The following ATF6 variants were observed in gnomAD, a reference collection of about 807,000 sequenced individuals.
The protein encoded by ATF6 is activating transcription factor 6.
ATF6 carries 53 observed loss-of-function variants against 83.6 expected under a neutral mutation model. That is an observed-to-expected ratio of 0.63 (90% CI 0.51 to 0.80). The LOEUF is 0.80. ATF6 is among the 30% of genes least tolerant of loss of function. The pLI is 0.00. For missense variants in ATF6, 744 were observed against 797.9 expected (o/e 0.93, Z 0.81); for synonymous variants, 288 against 285.8 (o/e 1.01, Z -0.08).
chr1:161,949,384 A>G (rs1688819228), intron 15 of ATF6, among the ~76,000 whole-genome samples: 1 of 152,160 alleles, frequency 6.6e-6, no homozygotes, highest in Non-Finnish European at 1.5e-5. Context: ...TGAGGCTCAG[A>G]AGTAGATGTG....
chr1:161,944,376 T>C (rs1269843961), intron 15 of ATF6, among the ~76,000 whole-genome samples: 2 of 152,166 alleles, frequency 1.3e-5, no homozygotes, highest in African/African-American at 4.8e-5. Context: ...ATTCTTAATG[T>C]CCACAATGAA....
chr1:161,819,958 T>C (rs1685711281), intron 8 of ATF6, 140 bp downstream of exon 8: 3 of 789,364 alleles, frequency 3.8e-6, no homozygotes, highest in Non-Finnish European at 5.6e-6. Flanking sequence ...TCCTAAAACA[T>C]TTGCAGTAAG....
chr1:161,841,451 G>T (rs1298465586), intron 9 of ATF6, among the ~76,000 whole-genome samples: 1 of 152,052 alleles, frequency 6.6e-6, no homozygotes, highest in Admixed American at 6.6e-5. Flanking sequence ...AAACTACAGG[G>T]AATGTAGGCC....
At position 161,962,467 on chromosome 1, in the gene ATF6, T is replaced by C. The variant is rs542415373; in HGVS notation, c.*3813T>C. Reference sequence around the variant, plus strand: ...CAAGCTCTTTGCCACTTTCCTACTATTTTTTGATTCTTGCCATTTTACCAA... The same window carrying C: ...CAAGCTCTTTGCCACTTTCCTACTACTTTTTGATTCTTGCCATTTTACCAA... On this transcript the variant is annotated 3_prime_UTR_variant, in exon 16 of 16. Transcript: ENST00000367942. 2 of 152,336 alleles carry C rather than the reference T, an allele frequency of 1.3e-5. No homozygotes were observed. The highest frequency in any genetic ancestry group is 4.1e-4 in the South Asian group (2 of 4,824). 9.4% of individuals were successfully genotyped at this position (152,336 alleles called of 1,614,324 possible). A position where few individuals can be genotyped will look rare whatever the true frequency, so the allele number is the denominator to read the frequency against.
chr1:161,862,048 G>T (rs1426065548), intron 13 of ATF6, among the ~76,000 whole-genome samples: 3 of 152,136 alleles, frequency 2.0e-5, no homozygotes, highest in African/African-American at 4.8e-5. Flanking sequence ...CATAAATAAG[G>T]TTATATATTT....
In ATF6 at chr1:161,774,240, A is replaced by G. The variant is rs144561795; in HGVS notation, c.83-4004A>G. Among the ~76,000 whole-genome samples the G allele has an allele frequency of 1.3e-3, 204 of 152,310 alleles. 1 individual carries two copies. The highest frequency in any genetic ancestry group is 4.7e-3 in the African/African-American group (194 of 41,556). ...GCCGCTATGAGAATCCTGATTCCCA[A>G]TAACATCCTTTGTTTTTATAGGCTC... On this transcript the variant is annotated intron_variant, in intron 1 of 15. Transcript: ENST00000367942.
chr1:161,792,118 C>CAG lies in ATF6; in HGVS notation c.485-6_485-5insAG. ...TTGACTTGTGGTTTGTCTGGTTTTTCTCCAGAAAATGGACTGACTCCAAAG... is the reference window on the plus strand; with the variant it reads ...TTGACTTGTGGTTTGTCTGGTTTTTCAGTCCAGAAAATGGACTGACTCCAAAG... On this transcript the variant is annotated splice_region_variant and splice_polypyrimidine_tract_variant and intron_variant, in intron 5 of 15. Transcript: ENST00000367942. The CAG allele has an allele frequency of 6.2e-7, 1 of 1,613,146 alleles. No homozygotes were observed. Among genetic ancestry groups the CAG allele is most frequent in the South Asian group, 1.1e-5 (1 of 91,062 alleles).
intron 15 of ATF6, among the ~76,000 whole-genome samples, chr1:161,933,850 G>A (rs997028453): frequency 5.9e-5 from 9 of 152,154 alleles, no homozygotes; most frequent in Non-Finnish European, 1.3e-4. Flanking sequence ...GCTCATGCAT[G>A]CCTCAGGGCT....
At position 161,853,180 on chromosome 1, in the gene ATF6, TTTAA is replaced by T. The variant is rs774427166; in HGVS notation, c.1434-37_1434-34del. The T allele has an allele frequency of 4.8e-5, 63 of 1,312,256 alleles. No individual in the cohort carries two copies. The African/African-American group carries it at 6.5e-4, about 14-fold the overall frequency. The allele number at this position is 1,312,256 out of a possible 1,614,324, so 81.3% of individuals were successfully genotyped here. ...ACAGGGTGAAACATCCATTTCTATG[TTTAA>T]TTAATTTCTATGTTTAATTAATTAA... is the stretch of plus-strand genomic sequence containing the variant. On this transcript the variant is annotated intron_variant, in intron 11 of 15. Transcript: ENST00000367942.
At chr1:161,946,471 A>G (rs1340411789) in intron 15 of ATF6, among the ~76,000 whole-genome samples, 1 of 152,098 alleles carries the variant, frequency 6.6e-6, no homozygotes, top group African/African-American at 2.4e-5. Flanking sequence ...AGCATGAGAA[A>G]CTCTCTGGAG....
At chr1:161,913,762 A>G (rs1043631806) in intron 15 of ATF6, among the ~76,000 whole-genome samples, 7 of 152,164 alleles carry the variant, frequency 4.6e-5, no homozygotes, top group Non-Finnish European at 7.4e-5. Context: ...TACTCAATCT[A>G]TAGGTACCTA....
intron 7 of ATF6, among the ~76,000 whole-genome samples, chr1:161,803,276 C>G (rs1250818904): frequency 6.6e-6 from 1 of 152,048 alleles, no homozygotes; most frequent in Non-Finnish European, 1.5e-5. Context: ...TCTCAGCCAG[C>G]AATATTGTAA....
At chr1:161,817,640 TA>T (rs771330968) in intron 7 of ATF6, among the ~76,000 whole-genome samples, 1 of 152,032 alleles carries the variant, frequency 6.6e-6, no homozygotes, top group Non-Finnish European at 1.5e-5. Flanking sequence ...GTAGTTTAAA[TA>T]AAAAAACACC....
intron 14 of ATF6, among the ~76,000 whole-genome samples, chr1:161,872,111 T>C (rs1250127543): frequency 6.6e-6 from 1 of 151,660 alleles, no homozygotes; most frequent in Non-Finnish European, 1.5e-5. Flanking sequence ...ATAATTGAGA[T>C]AGGTGCAGTT....
In ATF6 at chr1:161,802,167, CGTG is replaced by C. The variant is rs1557968115; in HGVS notation, c.808_810del (p.Val270del). ...GGGGAGTCACACAGCTCCCTAATCA[CGTG>C]GTGAATGTGGTACCAGCCCCTTCAG... On this transcript the variant is annotated inframe_deletion, in exon 7 of 16. Transcript: ENST00000367942. 2 of 1,614,052 alleles carry C rather than the reference CGTG, an allele frequency of 1.2e-6. No homozygotes were observed. The highest frequency in any genetic ancestry group is 2.2e-5 in the East Asian group (1 of 44,880).
intron 14 of ATF6, among the ~76,000 whole-genome samples, chr1:161,884,940 AC>A (rs1217798604): frequency 6.6e-6 from 1 of 152,182 alleles, no homozygotes; most frequent in African/African-American, 2.4e-5. Flanking sequence ...AATATTTTGT[AC>A]ACTACTCTAA....
At chr1:161,920,952 T>A (rs1054779336) in intron 15 of ATF6, among the ~76,000 whole-genome samples, 4 of 151,578 alleles carry the variant, frequency 2.6e-5, no homozygotes, top group East Asian at 1.9e-4. Context: ...TGAAAAAAAA[T>A]TTGGAGTCTT....
chr1:161,957,697 G>A (rs1039679524), intron 15 of ATF6, among the ~76,000 whole-genome samples: 3 of 152,140 alleles, frequency 2.0e-5, no homozygotes, highest in Non-Finnish European at 4.4e-5. Flanking sequence ...ATTCCCTTCT[G>A]TAAATATTCT....
chr1:161,882,424 C>T (rs1015237044), intron 14 of ATF6, among the ~76,000 whole-genome samples: 1 of 152,024 alleles, frequency 6.6e-6, no homozygotes, highest in Non-Finnish European at 1.5e-5. Context: ...AGAAAAGCTG[C>T]TACTTCTGGG....
Sources: allele counts gnomAD v4.1 joint callset (sites outside exome capture counted in the v4.1 genomes callset), GRCh38; gene constraint gnomAD v4.1.1; transcripts MANE v1.5; gene names NCBI Gene and HGNC (gene_info 2026-07-23, HGNC 2026-07-21).